Variants in TPD52L1 observed in about 807,000 individuals in gnomAD.
TPD52L1 encodes tumor protein D53.
TPD52L1 carries 18 observed loss-of-function variants against 28.7 expected under a neutral mutation model. The ratio of observed to expected loss-of-function variants is 0.63; its 90% CI spans 0.43 to 0.93. TPD52L1 has a LOEUF of 0.93. TPD52L1 is among the 40% of genes least tolerant of loss of function. The pLI is 0.00. For synonymous variants in TPD52L1, 75 were observed against 88.8 expected (o/e 0.84, Z 0.88); for missense variants, 203 against 254.8 (o/e 0.80, Z 1.39).
At chr6:125,165,001 T>G (rs1028712107) in intron 1 of TPD52L1, among the ~76,000 whole-genome samples, 3 of 144,614 alleles carry the variant, frequency 2.1e-5, no homozygotes, top group Admixed American at 7.2e-5. Flanking sequence ...TAGTCCCAGC[T>G]AATCAAGGTG....
At chr6:125,256,111 G>A (rs548980363) in intron 5 of TPD52L1, among the ~76,000 whole-genome samples, 1 of 152,242 alleles carries the variant, frequency 6.6e-6, no homozygotes, top group South Asian at 2.1e-4. Context: ...CACTTTTGGA[G>A]GCCGAGGCAG....
chr6:125,185,253 A>T (rs1353013125), intron 1 of TPD52L1, among the ~76,000 whole-genome samples: 1 of 152,202 alleles, frequency 6.6e-6, no homozygotes, highest in Non-Finnish European at 1.5e-5. Flanking sequence ...ATAACAGGTT[A>T]GGACAGAGAG....
At chr6:125,178,714 A>T (rs1791986063) in intron 1 of TPD52L1, among the ~76,000 whole-genome samples, 1 of 152,106 alleles carries the variant, frequency 6.6e-6, no homozygotes, top group East Asian at 1.9e-4. Context: ...TGAAGGCAGG[A>T]TGTGAAATGT....
At chr6:125,253,054 G>A (rs1797375780) in intron 4 of TPD52L1, 2 of 152,238 alleles carry the variant, frequency 1.3e-5, no homozygotes, top group African/African-American at 2.4e-5. Context: ...ACCAACCAGA[G>A]GGAAGATGAA....
intron 1 of TPD52L1, among the ~76,000 whole-genome samples, chr6:125,172,552 A>ACACACACAC (rs71024714): frequency 1.4e-5 from 1 of 72,396 alleles, no homozygotes; most frequent in Non-Finnish European, 2.5e-5. Flanking sequence ...ATATATATAT[A>ACACACACAC]ATATATATAC....
chr6:125,189,179 G>A (rs748851593), intron 1 of TPD52L1, among the ~76,000 whole-genome samples: 2 of 152,166 alleles, frequency 1.3e-5, no homozygotes, highest in East Asian at 3.8e-4. Flanking sequence ...ATAAGCTAAA[G>A]TTGGAAAAAG....
rs147531702 is a variant in TPD52L1 at position 125,177,192 on chromosome 6, T to C, written c.19+23222T>C. Among the ~76,000 whole-genome samples the C allele has an allele frequency of 7.8e-3, 1,184 of 152,340 alleles. 5 individuals carry two copies. The highest frequency in any genetic ancestry group is 0.012 in the Non-Finnish European group (802 of 68,030). ...ATCAGACTTGATGGCTAGCTCATCA[T>C]TGGCCATTTTCTCAGATTTCTAATC... On this transcript the variant is annotated intron_variant, in intron 1 of 6. Coordinates refer to ENST00000534000, the MANE Select transcript of TPD52L1 (RefSeq NM_003287.4).
chr6:125,248,961 C>T (rs998372756), intron 4 of TPD52L1, among the ~76,000 whole-genome samples: 2 of 151,848 alleles, frequency 1.3e-5, no homozygotes, highest in Admixed American at 1.3e-4. Flanking sequence ...TATAGCAATG[C>T]TTTTAGATAA....
intron 2 of TPD52L1, among the ~76,000 whole-genome samples, chr6:125,228,086 A>C (rs754667229): frequency 1.4e-4 from 21 of 152,226 alleles, no homozygotes; most frequent in Non-Finnish European, 2.4e-4. Context: ...TAAAATAACT[A>C]TCTGCAAAGC....
intron 4 of TPD52L1, 80 bp from the exon 5 acceptor site, chr6:125,253,637 C>A: frequency 7.9e-7 from 1 of 1,261,334 alleles, no homozygotes; most frequent in Non-Finnish European, 1.1e-6. Flanking sequence ...TTTAGAACTA[C>A]GAATAGGGAG....
chr6:125,247,559 G>A (rs532597559), intron 3 of TPD52L1, among the ~76,000 whole-genome samples: 4 of 152,042 alleles, frequency 2.6e-5, no homozygotes, highest in Admixed American at 6.5e-5. Flanking sequence ...AGTCACAAAA[G>A]GTTGTCCCTT....
At chr6:125,207,056 A>G (rs1170594244) in intron 1 of TPD52L1, among the ~76,000 whole-genome samples, 3 of 152,206 alleles carry the variant, frequency 2.0e-5, no homozygotes, top group African/African-American at 7.2e-5. Context: ...AGAAGACTTG[A>G]TTGTTTTTGT....
intron 1 of TPD52L1, among the ~76,000 whole-genome samples, chr6:125,173,007 C>T (rs1402685148): frequency 6.6e-6 from 1 of 152,092 alleles, no homozygotes; most frequent in African/African-American, 2.4e-5. Flanking sequence ...CCTGCCCTTC[C>T]CCCATTAAAA....
intron 1 of TPD52L1, among the ~76,000 whole-genome samples, chr6:125,157,437 C>CT (rs1790210637): frequency 6.6e-6 from 1 of 152,164 alleles, no homozygotes; most frequent in Non-Finnish European, 1.5e-5. Flanking sequence ...TGGTAGGACA[C>CT]TAAACAGGAA....
At chr6:125,200,466 A>C (rs146278045) in intron 1 of TPD52L1, among the ~76,000 whole-genome samples, 2 of 152,336 alleles carry the variant, frequency 1.3e-5, no homozygotes, top group East Asian at 3.9e-4. Context: ...AGAGCAAGTA[A>C]ATACAAATTT....
intron 1 of TPD52L1, among the ~76,000 whole-genome samples, chr6:125,213,726 CT>C (rs1020791274): frequency 1.3e-5 from 2 of 152,118 alleles, no homozygotes; most frequent in Non-Finnish European, 2.9e-5. Flanking sequence ...TCCAACACCC[CT>C]GGACCTGCCA....
intron 1 of TPD52L1, among the ~76,000 whole-genome samples, chr6:125,207,313 G>T (rs35043704): frequency 0.25 from 38,338 of 152,074 alleles, 5,706 homozygotes; most frequent in Admixed American, 0.4. Context: ...TAACCTAACA[G>T]ATTTGCATTA....
chr6:125,173,852 C>A (rs1791653932), intron 1 of TPD52L1, among the ~76,000 whole-genome samples: 1 of 152,104 alleles, frequency 6.6e-6, no homozygotes, highest in Non-Finnish European at 1.5e-5. Context: ...TAAGTAATTT[C>A]TCCAATCTGA....
intron 4 of TPD52L1, 50 bp from the exon 5 acceptor site, chr6:125,253,667 T>C (rs1295705550): frequency 6.5e-7 from 1 of 1,546,230 alleles, no homozygotes; most frequent in East Asian, 2.2e-5. Flanking sequence ...TACTTATGTG[T>C]GCTCTCTTCT....
Sources: allele counts gnomAD v4.1 joint callset (sites outside exome capture counted in the v4.1 genomes callset), GRCh38; gene constraint gnomAD v4.1.1; transcripts MANE v1.5; gene names NCBI Gene and HGNC (gene_info 2026-07-23, HGNC 2026-07-21).